The following ZNF263 variants were observed in gnomAD, a reference collection of about 807,000 sequenced individuals.
The protein encoded by ZNF263 is zinc finger protein FPM315.
In ZNF263, 49 loss-of-function variants were observed where a neutral mutation model predicts 63.1. That is an observed-to-expected ratio of 0.78 (90% CI 0.62 to 0.99). ZNF263 has a LOEUF of 0.99. Among genes scored for constraint, ZNF263 ranks in the 50% least tolerant of loss-of-function variants. The probability of loss-of-function intolerance (pLI) is 0.00; values close to 1 mark genes in which losing one functional copy is unlikely to be tolerated. For synonymous variants in ZNF263, 352 were observed against 324.2 expected (o/e 1.09, Z -0.92); for missense variants, 872 against 854.8 (o/e 1.02, Z -0.25).
In ZNF263 at chr16:3,287,541, C is replaced by A. The variant is rs114934287; in HGVS notation, c.770-913C>A. The stretch of plus-strand genomic sequence containing the variant: ...GTACCAGTTTCCATATTACTTTTCA[C>A]TGCTGTGATGTCCAAAGTTGAACAT... On this transcript the variant is annotated intron_variant, in intron 4 of 5. Transcript: ENST00000219069. Among the ~76,000 whole-genome samples the A allele has an allele frequency of 3.8e-3, 572 of 150,996 alleles. 4 individuals are homozygous for A. Among genetic ancestry groups the A allele is most frequent in the African/African-American group, 0.013 (531 of 41,150 alleles).
exon 3 of ZNF263, chr16:3,301,378 A>C (rs1275623991): frequency 6.0e-6 from 1 of 167,112 alleles, no homozygotes; most frequent in Non-Finnish European, 1.5e-5. Context: ...TATTGCATTC[A>C]ATATAGTATT....
intron 1 of ZNF263, chr16:3,298,751 T>C (rs945547928): frequency 1.5e-5 from 5 of 341,406 alleles, no homozygotes; most frequent in Non-Finnish European, 2.6e-5. Flanking sequence ...CAATACTTCA[T>C]TATTCAGATC....
chr16:3,285,107 C>G lies in ZNF263; in HGVS notation c.436C>G (p.Pro146Ala), dbSNP rs758798897. The G allele has an allele frequency of 3.1e-6, 5 of 1,614,162 alleles. No homozygotes were observed. The South Asian group carries it at 5.5e-5, about 18-fold the overall frequency. ...GTEVLLEEPLPLETARESPSF... is the reference protein window; with the variant it reads ...GTEVLLEEPLALETARESPSF... ...AGAAGTGCTTTTGGAGGAGCCTTTG[C>G]CTCTGGAAACAGCACGAGAGTCACC... The change falls in exon 2 of 6, where the codon CCT (proline) becomes GCT (alanine). Residue 146 changes from proline (P) to alanine (A), a missense_variant. Transcript: ENST00000219069.
Position 3,289,459 on chromosome 16 carries a change from T to C in ZNF263, c.953T>C (p.Val318Ala), listed in dbSNP as rs1340022870. ...SVCSENIHPQVLLPDQARGEV... is the reference protein window; with the variant it reads ...SVCSENIHPQALLPDQARGEV... The stretch of plus-strand genomic sequence containing the variant: ...TGCTCTGAGAACATCCACCCTCAGG[T>C]GCTGCTTCCTGACCAGGCCCGAGGG... The change falls in exon 6 of 6, where the codon GTG becomes GCG. Residue 318 changes from valine (V) to alanine (A), a missense_variant. Physicochemically the swap from Val to Ala is moderately conservative, Grantham distance 64. Coordinates refer to ENST00000219069, the MANE Select transcript of ZNF263 (RefSeq NM_005741.5). 1.2e-5 allele frequency: 19 copies of C among 1,530,908 alleles called. No homozygotes were observed. Among genetic ancestry groups the C allele is most frequent in the Non-Finnish European group, 1.6e-5 (18 of 1,142,526 alleles). The allele number at this position is 1,530,908 out of a possible 1,614,324, so 94.8% of individuals were successfully genotyped here.
intron 2 of ZNF263, chr16:3,299,943 TA>T (rs1284264833): frequency 6.2e-7 from 1 of 1,613,134 alleles, no homozygotes; most frequent in Non-Finnish European, 8.5e-7. Flanking sequence ...TGATTGACTT[TA>T]ATTTATGAGT....
downstream of ZNF263, among the ~76,000 whole-genome samples, chr16:3,292,241 T>G (rs992745984): frequency 6.6e-6 from 1 of 152,230 alleles, no homozygotes; most frequent in African/African-American, 2.4e-5. Flanking sequence ...AACAGGCTGA[T>G]GGATATAGCA....
intron 1 of ZNF263, among the ~76,000 whole-genome samples, chr16:3,297,744 G>A (rs1567257377): frequency 6.6e-6 from 1 of 152,038 alleles, no homozygotes; most frequent in Non-Finnish European, 1.5e-5. Flanking sequence ...GATTACAGCC[G>A]TGAGCCACCG....
rs1243196071 is a variant in ZNF263 at position 3,290,402 on chromosome 16, C to T, written c.1896C>T (p.Thr632=). 9.3e-6 allele frequency: 15 copies of T among 1,614,016 alleles called. No homozygotes were observed. Among genetic ancestry groups the T allele is most frequent in the Non-Finnish European group, 1.3e-5 (15 of 1,180,026 alleles). ...QRIHTGEKPY[T]CHECGDSFSH... is the part of the protein sequence containing the mutation. Reference sequence around the variant, plus strand: ...TCCACACAGGAGAAAAACCCTATACCTGTCATGAGTGCGGAGACAGCTTCT... The same window carrying T: ...TCCACACAGGAGAAAAACCCTATACTTGTCATGAGTGCGGAGACAGCTTCT... The change falls in exon 6 of 6, where the codon ACC becomes ACT. Residue 632 remains threonine, a synonymous_variant. Coordinates refer to ENST00000219069, the MANE Select transcript of ZNF263 (RefSeq NM_005741.5).
intron 1 of ZNF263, 37 bp from the exon 2 acceptor site, chr16:3,285,022 C>T: frequency 1.2e-6 from 2 of 1,610,304 alleles, no homozygotes; most frequent in Non-Finnish European, 1.7e-6. Flanking sequence ...CCTCTTGGGC[C>T]CTGTTGTGAT....
intron 2 of ZNF263, chr16:3,300,551 T>C: frequency 6.2e-7 from 1 of 1,612,728 alleles, no homozygotes; most frequent in Non-Finnish European, 8.5e-7. Flanking sequence ...CCAGCTTCAA[T>C]TCTACTTAGA....
At position 3,289,808 on chromosome 16, in the gene ZNF263, C is replaced by T. The variant is rs902551253; in HGVS notation, c.1302C>T (p.His434=). 3 of 1,614,236 alleles carry T rather than the reference C, an allele frequency of 1.9e-6. No homozygotes were observed. Residue 434 remains histidine (H), a synonymous_variant, in exon 6 of 6, where the codon CAC becomes CAT. Coordinates refer to ENST00000219069, the MANE Select transcript of ZNF263 (RefSeq NM_005741.5). ...GAGCACACCTGGGAGAGGAGGCCCA[C>T]AAGTGCCTTGAATGTGGGAAATGCT... ...LHRAHLGEEA[H]KCLECGKCFS...
chr16:3,298,303 G>T (rs892701768), intron 1 of ZNF263, among the ~76,000 whole-genome samples: 1 of 152,154 alleles, frequency 6.6e-6, no homozygotes, highest in African/African-American at 2.4e-5. Flanking sequence ...TTTGAAAAGG[G>T]AAGTCATTAT....
At chr16:3,294,082 C>G (rs889019221), downstream of ZNF263, among the ~76,000 whole-genome samples, 1 of 152,190 alleles carries the variant, frequency 6.6e-6, no homozygotes, top group Admixed American at 6.5e-5. Flanking sequence ...CCCGCCACCA[C>G]GCCTGGCTAA....
intron 1 of ZNF263, among the ~76,000 whole-genome samples, chr16:3,297,383 TTA>T (rs1363444418): frequency 6.6e-6 from 1 of 151,874 alleles, no homozygotes; most frequent in Non-Finnish European, 1.5e-5. Flanking sequence ...AGTTCTGTAT[TTA>T]GTCACTAATT....
chr16:3,298,337 G>T (rs148443122), intron 1 of ZNF263, among the ~76,000 whole-genome samples: 1 of 152,124 alleles, frequency 6.6e-6, no homozygotes, highest in Non-Finnish European at 1.5e-5. Flanking sequence ...ATATATATAC[G>T]ATCCTATATA....
intron 1 of ZNF263, among the ~76,000 whole-genome samples, chr16:3,284,606 A>C (rs771609589): frequency 7.2e-5 from 11 of 152,210 alleles, no homozygotes; most frequent in Non-Finnish European, 1.5e-4. Flanking sequence ...TGTGAACACT[A>C]CTAGCTTATG....
At position 3,289,714 on chromosome 16, in the gene ZNF263, A is replaced by C. The variant is rs760155666; in HGVS notation, c.1208A>C (p.Glu403Ala). ...LIRHQRIHAA[E>A]RLCMGVDCTE... ...AGGCACCAGAGAATACATGCAGCTG[A>C]AAGACTGTGTATGGGTGTGGACTGC... is the stretch of plus-strand genomic sequence containing the variant. Residue 403 changes from glutamate to alanine, a missense_variant, in exon 6 of 6, where the codon GAA becomes GCA. Glu to Ala is a moderately radical substitution (Grantham distance 107). Coordinates refer to ENST00000219069, the MANE Select transcript of ZNF263 (RefSeq NM_005741.5). 16 of 1,614,114 alleles carry C rather than the reference A, an allele frequency of 9.9e-6. No individual in the cohort carries two copies. In the Middle Eastern group the frequency reaches 6.6e-4, roughly 66 times the overall value.
downstream of ZNF263, among the ~76,000 whole-genome samples, chr16:3,295,017 G>A (rs1959707196): frequency 6.6e-6 from 1 of 152,112 alleles, no homozygotes; most frequent in South Asian, 2.1e-4. Flanking sequence ...GCTCTCCTGG[G>A]CCTCCCGGCA....
chr16:3,284,260 G>C (rs749052341), intron 1 of ZNF263, 55 bp downstream of exon 1: 23 of 1,456,044 alleles, frequency 1.6e-5, no homozygotes, highest in East Asian at 2.4e-5. Flanking sequence ...TGAGCACTGG[G>C]ACATTGCGCC....
Sources: gnomAD v4.1 joint callset for allele counts (sites outside exome capture counted in the v4.1 genomes callset) on GRCh38, gnomAD v4.1.1 for gene constraint, MANE v1.5 for transcripts, NCBI Gene and HGNC (gene_info 2026-07-23, HGNC 2026-07-21) for gene names.